The following SPINK5 variants were observed in gnomAD, a reference collection of about 807,000 sequenced individuals.
SPINK5 encodes the protein serine protease inhibitor Kazal-type 5.
In SPINK5, 125 loss-of-function variants were observed where a neutral mutation model predicts 151.8. The observed-to-expected ratio is 0.82, with a 90% CI of 0.71 to 0.96. The LOEUF (loss-of-function observed/expected upper bound fraction) is 0.96. Among genes scored for constraint, SPINK5 ranks in the 40% least tolerant of loss-of-function variants. The probability of loss-of-function intolerance (pLI) is 0.00; values close to 1 mark genes in which losing one functional copy is unlikely to be tolerated. For synonymous variants in SPINK5, 374 were observed against 395.3 expected (o/e 0.95, Z 0.64); for missense variants, 1,194 against 1,291.9 (o/e 0.92, Z 1.16).
At chr5:148,134,605 C>T (rs538383008) in intron 32 of SPINK5, among the ~76,000 whole-genome samples, 1 of 152,178 alleles carries the variant, frequency 6.6e-6, no homozygotes, top group South Asian at 2.1e-4. Context: ...ATGCATTTGG[C>T]ACAGTGTCTG....
rs1193269066 is a variant in SPINK5, at chr5:148,064,056, C to T, written c.12C>T (p.Ala4=). 4 of 1,614,026 alleles carry T rather than the reference C, an allele frequency of 2.5e-6. No homozygotes were observed. Among genetic ancestry groups the T allele is most frequent in the East Asian group, 4.5e-5 (2 of 44,870 alleles). MKI[A]TVSVLLPLAL... is the part of the protein sequence containing the mutation. ...GCATCGTCTTCAACATGAAGATAGC[C>T]ACAGTGTCAGTGCTTCTGCCCTTGG... Residue 4 remains alanine (A), a synonymous_variant, in exon 1 of 33, where the codon GCC becomes GCT. Coordinates refer to ENST00000256084, the MANE Select transcript of SPINK5 (RefSeq NM_006846.4).
intron 32 of SPINK5, chr5:148,134,114 AATAG>A: frequency 1.7e-6 from 1 of 586,334 alleles, no homozygotes; most frequent in Non-Finnish European, 3.1e-6. Flanking sequence ...TGGGTCCATT[AATAG>A]ATTGTTTATG....
Position 148,137,273 on chromosome 5 carries a change from A to G in SPINK5, c.*282A>G. On this transcript the variant is annotated 3_prime_UTR_variant, in exon 33 of 33. Transcript: ENST00000256084. ...CCAACTGCCTGTTCAATAAAAGTAA[A>G]CTCAGCAGAACACCCTTTCTGGGAT... 2.0e-6 allele frequency: 1 copy of G among 508,816 alleles called. No homozygotes were observed. Among genetic ancestry groups the G allele is most frequent in the Non-Finnish European group, 3.5e-6 (1 of 284,984 alleles). The allele number at this position is 508,816 out of a possible 1,614,324, so 31.5% of individuals were successfully genotyped here. A position where few individuals can be genotyped will look rare whatever the true frequency, so the allele number is the denominator to read the frequency against.
chr5:148,099,382 G>T, intron 12 of SPINK5, 67 bp downstream of exon 12: 1 of 1,436,798 alleles, frequency 7.0e-7, no homozygotes. Flanking sequence ...AGAGCCTAAA[G>T]GGTGAGATTT....
Position 148,070,460 on chromosome 5 carries a change from G to A in SPINK5, c.209+10G>A. 2 of 1,611,906 alleles carry A rather than the reference G, an allele frequency of 1.2e-6. No individual in the cohort carries two copies. Among genetic ancestry groups the A allele is most frequent in the Non-Finnish European group, 1.7e-6 (2 of 1,178,626 alleles). ...CGTGCAAAATGATACTGTGAGTAAA[G>A]GTTTCTTTCTTTCTTTCCAATGTTT... On this transcript the variant is annotated intron_variant, in intron 3 of 32. Coordinates refer to ENST00000256084, the MANE Select transcript of SPINK5 (RefSeq NM_006846.4).
chr5:148,127,302 T>C (rs929241954), intron 30 of SPINK5, among the ~76,000 whole-genome samples: 4 of 152,142 alleles, frequency 2.6e-5, no homozygotes, highest in Non-Finnish European at 5.9e-5. Flanking sequence ...CTGCTTCAAT[T>C]TAGTACATTT....
intron 15 of SPINK5, among the ~76,000 whole-genome samples, chr5:148,104,669 G>A (rs1753732304): frequency 1.3e-5 from 2 of 152,128 alleles, no homozygotes; most frequent in Admixed American, 1.3e-4. Context: ...GCTGAAGCGG[G>A]TGGATCATGA....
intron 4 of SPINK5, among the ~76,000 whole-genome samples, chr5:148,079,064 T>C: frequency 6.6e-6 from 1 of 150,936 alleles, no homozygotes; most frequent in Non-Finnish European, 1.5e-5. Context: ...AGACAAACAT[T>C]ACCAAAATCA....
intron 5 of SPINK5, 108 bp from the exon 6 acceptor site, chr5:148,088,434 T>A: frequency 2.2e-6 from 2 of 907,450 alleles, no homozygotes; most frequent in Non-Finnish European, 3.6e-6. Context: ...ATGTGGCAGC[T>A]GTTTTCGGGA....
chr5:148,126,918 A>T, intron 29 of SPINK5, 65 bp from the exon 30 acceptor site: 1 of 1,358,780 alleles, frequency 7.4e-7, no homozygotes, highest in Non-Finnish European at 1.0e-6. Context: ...AGGATTGCTT[A>T]ACTTCTCACT....
At chr5:148,112,445 CG>C (rs1561696115) in intron 19 of SPINK5, among the ~76,000 whole-genome samples, 43 of 151,978 alleles carry the variant, frequency 2.8e-4, no homozygotes, top group African/African-American at 1.0e-3. Flanking sequence ...GAGGCCGAGG[CG>C]GGCAGATGAC....
chr5:148,072,856 T>G (rs1245923086), intron 4 of SPINK5, among the ~76,000 whole-genome samples: 1 of 117,040 alleles, frequency 8.5e-6, no homozygotes, highest in Non-Finnish European at 1.8e-5. Context: ...TTAAGAAAAG[T>G]GTTCTCTGGT....
At chr5:148,121,070 G>A (rs1581102809) in intron 26 of SPINK5, among the ~76,000 whole-genome samples, 2 of 102,284 alleles carry the variant, frequency 2.0e-5, no homozygotes, top group African/African-American at 2.9e-5. Context: ...GCGTGAACCT[G>A]GGAGGCGAGC....
chr5:148,085,083 G>C (rs1227974532), intron 4 of SPINK5, among the ~76,000 whole-genome samples: 1 of 151,682 alleles, frequency 6.6e-6, no homozygotes, highest in Admixed American at 6.6e-5. Context: ...ATGAACAAAT[G>C]AATGAATGAA....
At position 148,123,964 on chromosome 5, in the gene SPINK5, C is replaced by G. The variant is rs376671081; in HGVS notation, c.2666+4C>G. The G allele has an allele frequency of 5.0e-6, 8 of 1,613,664 alleles. No individual in the cohort carries two copies. The Admixed American group carries it at 6.7e-5, about 13-fold the overall frequency. ...GTGCTATGTGTCAGAGCATCTTGTA[C>G]GTAAAAAGGTTTATCAATAAATTTG... On this transcript the variant is annotated splice_donor_region_variant and intron_variant, in intron 27 of 32. Transcript: ENST00000256084.
rs1236112595 is a variant in SPINK5, at chr5:148,117,891, T to C, written c.2113-546T>C. Among the ~76,000 whole-genome samples, 6 of 152,294 alleles carry C rather than the reference T, an allele frequency of 3.9e-5. No homozygotes were observed. In the East Asian group the frequency reaches 9.7e-4, roughly 25 times the overall value. ...ATGCTATTAAATTCAGTCATATTTA[T>C]AATTTCCTTGTGTAGATCCTTAAAA... On this transcript the variant is annotated intron_variant, in intron 22 of 32. Coordinates refer to ENST00000256084, the MANE Select transcript of SPINK5 (RefSeq NM_006846.4).
chr5:148,111,457 C>A (rs541758975), intron 18 of SPINK5, among the ~76,000 whole-genome samples: 1 of 152,166 alleles, frequency 6.6e-6, no homozygotes, highest in South Asian at 2.1e-4. Flanking sequence ...TTTGGTGGAA[C>A]GGTATTATTC....
At chr5:148,129,982 G>C (rs186110774) in intron 30 of SPINK5, among the ~76,000 whole-genome samples, 9 of 151,924 alleles carry the variant, frequency 5.9e-5, no homozygotes, top group Admixed American at 5.9e-4. Context: ...ATGTTTTCTT[G>C]ACTCTGGTCA....
intron 2 of SPINK5, chr5:148,065,581 T>C (rs1462593123): frequency 1.8e-6 from 1 of 552,880 alleles, no homozygotes; most frequent in African/African-American, 1.9e-5. Context: ...ACTCAACATA[T>C]TAATGATGAT....
Sources: allele counts gnomAD v4.1 joint callset (sites outside exome capture counted in the v4.1 genomes callset), GRCh38; gene constraint gnomAD v4.1.1; transcripts MANE v1.5; gene names NCBI Gene and HGNC (gene_info 2026-07-23, HGNC 2026-07-21).